SRRM4: variants seen among roughly 807,000 people sequenced by gnomAD.
SRRM4 encodes serine/arginine repetitive matrix 4.
A neutral mutation model predicts 68.9 loss-of-function variants in SRRM4; 33 were observed. The ratio of observed to expected loss-of-function variants is 0.48; its 90% CI spans 0.36 to 0.64. The LOEUF (loss-of-function observed/expected upper bound fraction) is 0.64. Ranked by LOEUF, SRRM4 falls within the 30% of genes least tolerant of loss-of-function variation. The probability of loss-of-function intolerance (pLI) is 0.00; values close to 1 mark genes in which losing one functional copy is unlikely to be tolerated. For missense variants in SRRM4, 817 were observed against 827.1 expected, an observed-to-expected ratio of 0.99 and a Z score of 0.15; for synonymous variants, 318 against 318.8, an observed-to-expected ratio of 1.00 and a Z score of 0.03.
In SRRM4 at chr12:118,981,852, C is replaced by T. The variant is rs1234571887; in HGVS notation, c.-31C>T. 6.2e-7 allele frequency: 1 copy of T among 1,605,786 alleles called. No individual in the cohort carries two copies. Among genetic ancestry groups the T allele is most frequent in the Admixed American group, 1.7e-5 (1 of 59,314 alleles). On this transcript the variant is annotated 5_prime_UTR_variant, in exon 1 of 13. Coordinates refer to ENST00000267260, the MANE Select transcript of SRRM4 (RefSeq NM_194286.4). ...CCACGTTTCAGCACTTTGGACAGCG[C>T]CCCGGACGCCCCGGCCCCTTTGGGT...
intron 2 of SRRM4, among the ~76,000 whole-genome samples, chr12:119,107,466 C>T (rs1387005201): frequency 6.6e-6 from 1 of 151,892 alleles, no homozygotes; most frequent in East Asian, 1.9e-4. Context: ...TTTTTGGTTG[C>T]TAGGTTATTA....
Position 119,159,710 on chromosome 12 carries a change from T to G in SRRM4, c.*2912T>G, listed in dbSNP as rs1258254149. 2 of 152,286 alleles carry G rather than the reference T, an allele frequency of 1.3e-5. No individual in the cohort carries two copies. The highest frequency in any genetic ancestry group is 3.9e-4 in the East Asian group (2 of 5,170). The allele number at this position is 152,286 out of a possible 1,614,324, so 9.4% of individuals were successfully genotyped here. ...TAGTTGGTTTCATGTATGTTACACATGCTTCCACTCCACAGTACCTAATTT... is the reference window on the plus strand; with the variant it reads ...TAGTTGGTTTCATGTATGTTACACAGGCTTCCACTCCACAGTACCTAATTT... On this transcript the variant is annotated 3_prime_UTR_variant, in exon 13 of 13. Transcript: ENST00000267260.
rs571592856 is a variant in SRRM4, at chr12:119,004,804, A to C, written c.131+22791A>C. 5.7e-4 allele frequency among the ~76,000 whole-genome samples: 86 copies of C among 152,102 alleles called. 1 individual carries two copies. The highest frequency in any genetic ancestry group is 1.9e-3 in the African/African-American group (80 of 41,572). ...AGACGTAGGGAGTGATTTTAAAGGC[A>C]GAAGTGAAGACGATGTCCAGTGTCT... On this transcript the variant is annotated intron_variant, in intron 1 of 12. Coordinates refer to ENST00000267260, the MANE Select transcript of SRRM4 (RefSeq NM_194286.4).
rs1953248541 is a variant in SRRM4, at chr12:118,981,783, C to T, written c.-100C>T. ...TCCCACCCCACCCCTCTCTGGGTTT[C>T]ACCCGGACAGAGCCGGGAGCTGGGT... On this transcript the variant is annotated 5_prime_UTR_variant, in exon 1 of 13. Coordinates refer to ENST00000267260, the MANE Select transcript of SRRM4 (RefSeq NM_194286.4). 5 of 1,289,718 alleles carry T rather than the reference C, an allele frequency of 3.9e-6. No individual in the cohort carries two copies. Among genetic ancestry groups the T allele is most frequent in the Non-Finnish European group, 4.2e-6 (4 of 959,390 alleles). The allele number at this position is 1,289,718 out of a possible 1,614,324, so 79.9% of individuals were successfully genotyped here.
chr12:119,020,185 C>A (rs1390529573), intron 1 of SRRM4, among the ~76,000 whole-genome samples: 1 of 152,018 alleles, frequency 6.6e-6, no homozygotes, highest in Non-Finnish European at 1.5e-5. Context: ...ACAAGTTCTC[C>A]CCTCTCTGAC....
intron 1 of SRRM4, among the ~76,000 whole-genome samples, chr12:119,003,480 C>T (rs1184157739): frequency 6.6e-6 from 1 of 151,936 alleles, no homozygotes; most frequent in Admixed American, 6.6e-5. Flanking sequence ...TTTTCAGTTC[C>T]TATTTCCCCT....
intron 1 of SRRM4, among the ~76,000 whole-genome samples, chr12:119,045,832 G>T: frequency 6.6e-6 from 1 of 152,014 alleles, no homozygotes; most frequent in Admixed American, 6.6e-5. Context: ...GAGGTCAGGA[G>T]TTCAAGACCA....
At chr12:118,982,527 C>A (rs1046525698) in intron 1 of SRRM4, among the ~76,000 whole-genome samples, 17 of 152,100 alleles carry the variant, frequency 1.1e-4, no homozygotes, top group Admixed American at 2.0e-4. Flanking sequence ...CAAAACAGCA[C>A]CCTCCTCCAC....
chr12:119,155,235 A>T (rs1407140953), intron 12 of SRRM4, among the ~76,000 whole-genome samples: 1 of 152,244 alleles, frequency 6.6e-6, no homozygotes, highest in African/African-American at 2.4e-5. Context: ...GAGTGCAAGC[A>T]AATTTCTCAG....
intron 1 of SRRM4, among the ~76,000 whole-genome samples, chr12:119,053,197 T>C (rs1163145022): frequency 1.3e-5 from 2 of 152,224 alleles, no homozygotes; most frequent in African/African-American, 4.8e-5. Flanking sequence ...ATAGCTGGAA[T>C]TTAATAATGT....
At chr12:119,098,484 A>G (rs11614188) in intron 1 of SRRM4, among the ~76,000 whole-genome samples, 12,024 of 152,248 alleles carry the variant, frequency 0.079, 530 homozygotes, top group African/African-American at 0.1. Context: ...ATTTTTTACC[A>G]CTTTTATTGA....
At chr12:119,086,695 T>C (rs1325497559) in intron 1 of SRRM4, among the ~76,000 whole-genome samples, 1 of 152,212 alleles carries the variant, frequency 6.6e-6, no homozygotes, top group Non-Finnish European at 1.5e-5. Flanking sequence ...GTGTGTTTCT[T>C]ATCTGTATCA....
intron 8 of SRRM4, among the ~76,000 whole-genome samples, chr12:119,138,623 A>C (rs1048777267): frequency 6.6e-6 from 1 of 152,174 alleles, no homozygotes; most frequent in African/African-American, 2.4e-5. Context: ...GAGATTAAGC[A>C]TCCACTGCCC....
intron 1 of SRRM4, among the ~76,000 whole-genome samples, chr12:118,987,512 C>A (rs1013875372): frequency 1.3e-5 from 2 of 152,156 alleles, no homozygotes; most frequent in Non-Finnish European, 2.9e-5. Flanking sequence ...TTTGATGGAC[C>A]TCAGGGGCAC....
intron 1 of SRRM4, among the ~76,000 whole-genome samples, chr12:119,091,450 T>C (rs1026912346): frequency 2.0e-5 from 3 of 152,110 alleles, no homozygotes; most frequent in African/African-American, 7.2e-5. Flanking sequence ...TTGCCTTGGC[T>C]GTTTGAGGAA....
chr12:118,981,918 T>G lies in SRRM4; in HGVS notation c.36T>G (p.Phe12Leu). 1 of 1,613,570 alleles carries G rather than the reference T, an allele frequency of 6.2e-7. No homozygotes were observed. Among genetic ancestry groups the G allele is most frequent in the Non-Finnish European group, 8.5e-7 (1 of 1,179,758 alleles). The change falls in exon 1 of 13, where the codon TTT becomes TTG. Residue 12 changes from phenylalanine to leucine, a missense_variant. Phe to Leu is a conservative substitution (Grantham distance 22). Coordinates refer to ENST00000267260, the MANE Select transcript of SRRM4 (RefSeq NM_194286.4). ...TTCAGCAAGGCGAGAAGCAGCTTTTTGAGAAGTTCTGGCGAGGAACCTTCA... is the reference window on the plus strand; with the variant it reads ...TTCAGCAAGGCGAGAAGCAGCTTTTGGAGAAGTTCTGGCGAGGAACCTTCA... ...ASVQQGEKQL[F>L]EKFWRGTFKA...
rs1954462551 is a variant in SRRM4 at position 119,154,804 on chromosome 12, C to T, written c.1532+421C>T. Reference sequence around the variant, plus strand: ...CCGAGCAGCGGAGACAGACCTCTACCCTCAGACCTGTACACTCAGCTGTCA... The same window carrying T: ...CCGAGCAGCGGAGACAGACCTCTACTCTCAGACCTGTACACTCAGCTGTCA... On this transcript the variant is annotated intron_variant, in intron 12 of 12. Coordinates refer to ENST00000267260, the MANE Select transcript of SRRM4 (RefSeq NM_194286.4). The surrounding 1 kb of genome is among the most constrained non-coding windows in gnomAD (Gnocchi z 4.7). 6.6e-6 allele frequency among the ~76,000 whole-genome samples: 1 copy of T among 152,196 alleles called. No homozygotes were observed. Among genetic ancestry groups the T allele is most frequent in the South Asian group, 2.1e-4 (1 of 4,826 alleles).
chr12:119,102,680 TTGGCCCAC>T (rs1274405762), intron 2 of SRRM4, among the ~76,000 whole-genome samples: 4 of 152,336 alleles, frequency 2.6e-5, no homozygotes, highest in South Asian at 2.1e-4. Flanking sequence ...GCAGGCTAAA[TTGGCCCAC>T]TGGCTGTAGT....
At chr12:119,144,404 C>A (rs996201671) in intron 8 of SRRM4, 3 of 152,172 alleles carry the variant, frequency 2.0e-5, no homozygotes, top group African/African-American at 4.8e-5. Flanking sequence ...ACTTAAAAAA[C>A]CAAAACTCAA....
Sources: gnomAD v4.1 joint callset for allele counts (sites outside exome capture counted in the v4.1 genomes callset) on GRCh38, gnomAD v4.1.1 for gene constraint, Gnocchi (gnomAD v3.1) non-coding constraint, MANE v1.5 for transcripts, NCBI Gene and HGNC (gene_info 2026-07-23, HGNC 2026-07-21) for gene names.